Variants in METTL5 observed in about 807,000 individuals in gnomAD.
The protein encoded by METTL5 is methyltransferase 5, N6-adenosine.
Under a neutral mutation model 26.5 loss-of-function variants are expected in METTL5, and 28 were observed. The ratio of observed to expected loss-of-function variants is 1.06; its 90% CI spans 0.78 to 1.45. The LOEUF is 1.45. Among genes scored for constraint, METTL5 ranks in the 40% most tolerant of loss-of-function variants. The pLI, the probability that METTL5 is intolerant of heterozygous loss-of-function variation, is 0.00. For synonymous variants in METTL5, 86 were observed against 82.6 expected (o/e 1.04, Z -0.22); for missense variants, 231 against 249.9 (o/e 0.92, Z 0.51).
chr2:169,813,753 T>C lies in METTL5; in HGVS notation c.542-1247A>G, dbSNP rs1482729015. On this transcript the variant is annotated intron_variant, in intron 5 of 6. Coordinates refer to ENST00000260953, the MANE Select transcript of METTL5 (RefSeq NM_014168.4). The stretch of plus-strand genomic sequence containing the variant: ...GTGGTGCGCCTGTAGTCCCAGCTAG[T>C]TGGGGAGACTGAGGCAGGAGAAGAA... 2.7e-5 allele frequency among the ~76,000 whole-genome samples: 4 copies of C among 150,786 alleles called. No individual in the cohort carries two copies. In the East Asian group the frequency reaches 7.8e-4, roughly 30 times the overall value.
intron 1 of METTL5, 124 bp downstream of exon 1, chr2:169,824,360 AACGCG>A: frequency 1.4e-6 from 1 of 725,038 alleles, no homozygotes; most frequent in Non-Finnish European, 2.4e-6. Context: ...AGGCCTCTCT[AACGCG>A]ACAGGTGATC....
intron 6 of METTL5, 198 bp from the exon 7 acceptor site, chr2:169,812,056 G>T: frequency 1.5e-6 from 1 of 658,568 alleles, no homozygotes; most frequent in Non-Finnish European, 2.5e-6. Context: ...TATATGAAAA[G>T]AGCAAAAACA....
rs1008053624 is a variant in METTL5 at position 169,821,026 on chromosome 2, G to A, written c.406+66C>T. The A allele has an allele frequency of 3.7e-6, 5 of 1,345,048 alleles. No homozygotes were observed. The African/African-American group carries it at 4.5e-5, about 12-fold the overall frequency. The allele number at this position is 1,345,048 out of a possible 1,614,324, so 83.3% of individuals were successfully genotyped here. A position where few individuals can be genotyped will look rare whatever the true frequency, so the allele number is the denominator to read the frequency against. ...ATTACACGCCTGAGCCACTGCGCCT[G>A]GCCTTAAAAATGGTTTTAAAATCTT... is the stretch of plus-strand genomic sequence containing the variant. On this transcript the variant is annotated intron_variant, in intron 3 of 6. Transcript: ENST00000260953.
intron 1 of METTL5, among the ~76,000 whole-genome samples, chr2:169,823,370 GAC>G (rs2081609931): frequency 6.6e-6 from 1 of 152,180 alleles, no homozygotes; most frequent in Non-Finnish European, 1.5e-5. Context: ...TCTTAACCTA[GAC>G]ACAGTAGTTT....
chr2:169,819,755 T>G, intron 3 of METTL5, 112 bp from the exon 4 acceptor site: 1 of 645,854 alleles, frequency 1.5e-6, no homozygotes, highest in Admixed American at 2.8e-5. Flanking sequence ...CCTTGAAATC[T>G]TTTAGCAATA....
intron 4 of METTL5, among the ~76,000 whole-genome samples, chr2:169,818,181 G>T (rs2081537328): frequency 6.6e-6 from 1 of 152,146 alleles, no homozygotes; most frequent in South Asian, 2.1e-4. Context: ...CCTAATAAAA[G>T]CCCTGGGCAC....
At chr2:169,814,430 C>A (rs1215420070) in intron 5 of METTL5, among the ~76,000 whole-genome samples, 1 of 112,798 alleles carries the variant, frequency 8.9e-6, no homozygotes, top group East Asian at 3.1e-4. Context: ...GAGGTTGCCA[C>A]TGCACTCCAG....
intron 5 of METTL5, among the ~76,000 whole-genome samples, chr2:169,813,425 G>A (rs1450701782): frequency 1.3e-5 from 2 of 150,566 alleles, no homozygotes; most frequent in African/African-American, 2.4e-5. Context: ...CACCACGCCC[G>A]GCCTGAAATT....
intron 4 of METTL5, 94 bp downstream of exon 4, chr2:169,819,467 G>C: frequency 2.3e-6 from 2 of 863,872 alleles, no homozygotes; most frequent in Non-Finnish European, 3.6e-6. Flanking sequence ...AGGAGAAATA[G>C]ATACTGTGGT....
intron 1 of METTL5, among the ~76,000 whole-genome samples, chr2:169,822,602 T>C (rs562409558): frequency 1.3e-5 from 2 of 152,170 alleles, no homozygotes; most frequent in Non-Finnish European, 2.9e-5. Flanking sequence ...TCTTTTTTTT[T>C]CTTTTTTTTT....
chr2:169,819,046 G>A (rs2081547518), intron 4 of METTL5, among the ~76,000 whole-genome samples: 3 of 152,152 alleles, frequency 2.0e-5, no homozygotes, highest in African/African-American at 7.2e-5. Context: ...GTGTTATACT[G>A]ACACTAAAAA....
chr2:169,813,324 T>C (rs1381930971), intron 5 of METTL5: 2 of 151,442 alleles, frequency 1.3e-5, no homozygotes, highest in South Asian at 4.2e-4. Context: ...AGAGACAGGG[T>C]TTCACTATGT....
At chr2:169,820,847 G>T (rs180715417) in intron 3 of METTL5, among the ~76,000 whole-genome samples, 3 of 151,906 alleles carry the variant, frequency 2.0e-5, no homozygotes, top group Non-Finnish European at 4.4e-5. Context: ...TGAGTAGCTA[G>T]GACTATAGGT....
chr2:169,821,863 T>C (rs1573973226), intron 2 of METTL5, 80 bp downstream of exon 2: 1 of 1,305,240 alleles, frequency 7.7e-7, no homozygotes, highest in Admixed American at 1.8e-5. Context: ...TGGAGTCTCA[T>C]AAATATAATT....
intron 4 of METTL5, among the ~76,000 whole-genome samples, chr2:169,818,471 G>A (rs1430165514): frequency 6.6e-6 from 1 of 152,184 alleles, no homozygotes; most frequent in Non-Finnish European, 1.5e-5. Flanking sequence ...TGGGGACACA[G>A]GTTTGGATAC....
At chr2:169,814,225 C>A (rs1257551117) in intron 5 of METTL5, among the ~76,000 whole-genome samples, 1 of 151,944 alleles carries the variant, frequency 6.6e-6, no homozygotes, top group Non-Finnish European at 1.5e-5. Context: ...CAGTGGCTCA[C>A]ACCTGTAATC....
At position 169,812,781 on chromosome 2, in the gene METTL5, G is replaced by A. The variant is rs200959811; in HGVS notation, c.542-275C>T. The A allele has an allele frequency of 2.7e-5, 8 of 291,606 alleles. No homozygotes were observed. In the East Asian group the frequency reaches 5.4e-4, roughly 20 times the overall value. The allele number at this position is 291,606 out of a possible 1,614,324, so 18.1% of individuals were successfully genotyped here. A position where few individuals can be genotyped will look rare whatever the true frequency, so the allele number is the denominator to read the frequency against. On this transcript the variant is annotated intron_variant, in intron 5 of 6. Coordinates refer to ENST00000260953, the MANE Select transcript of METTL5 (RefSeq NM_014168.4). ...CAGTGGACGAAAAAGTAAATCCTAT[G>A]AAAATGATGGTACCTTTCTATTTTT...
intron 6 of METTL5, chr2:169,812,102 A>G (rs1689982525): frequency 3.4e-6 from 2 of 584,012 alleles, no homozygotes; most frequent in South Asian, 2.3e-5. Context: ...TACCCAAAGC[A>G]TTTAGGAAAG....
intron 5 of METTL5, among the ~76,000 whole-genome samples, chr2:169,813,420 C>T (rs1022112391): frequency 2.6e-5 from 4 of 151,720 alleles, no homozygotes; most frequent in Admixed American, 6.6e-5. Context: ...TCAGCCACCA[C>T]GCCCGGCCTG....
Sources: allele counts gnomAD v4.1 joint callset (sites outside exome capture counted in the v4.1 genomes callset), GRCh38; gene constraint gnomAD v4.1.1; transcripts MANE v1.5; gene names NCBI Gene and HGNC (gene_info 2026-07-23, HGNC 2026-07-21).